SLC39A14: variants seen among roughly 807,000 people sequenced by gnomAD.
The protein encoded by SLC39A14 is solute carrier family 39 member 14, also known as metal cation symporter ZIP14.
SLC39A14 carries 19 observed loss-of-function variants against 45.5 expected under a neutral mutation model. That is an observed-to-expected ratio of 0.42 (90% confidence interval 0.29 to 0.61). The LOEUF (loss-of-function observed/expected upper bound fraction) is 0.61. SLC39A14 is among the 20% of genes least tolerant of loss of function. SLC39A14 has a pLI of 0.22. For missense variants in SLC39A14, 447 were observed against 616.5 expected (o/e 0.73, Z 2.91); for synonymous variants, 264 against 251.3 (o/e 1.05, Z -0.48).
At chr8:22,433,863 GT>G in intron 8 of SLC39A14, 1 of 318,864 alleles carries the variant, frequency 3.1e-6, no homozygotes, top group Non-Finnish European at 6.4e-6. Context: ...ACTCGGCCAT[GT>G]TTATGTTTTT....
downstream of SLC39A14, among the ~76,000 whole-genome samples, chr8:22,425,882 G>GTTTTTT (rs1476225504): frequency 2.0e-5 from 2 of 102,560 alleles, no homozygotes; most frequent in Non-Finnish European, 4.4e-5. Flanking sequence ...GGCTCTAGAT[G>GTTTTTT]GTTTTTGTTT....
At chr8:22,424,157 T>G (rs1351715055), downstream of SLC39A14, among the ~76,000 whole-genome samples, 2 of 152,144 alleles carry the variant, frequency 1.3e-5, no homozygotes, top group Non-Finnish European at 2.9e-5. Flanking sequence ...TTGTGGTGTT[T>G]CCAAGAAGAC....
At chr8:22,402,738 C>T (rs1330186164) in intron 1 of SLC39A14, among the ~76,000 whole-genome samples, 1 of 145,956 alleles carries the variant, frequency 6.9e-6, no homozygotes, top group Non-Finnish European at 1.5e-5. Flanking sequence ...CACTGCACTC[C>T]AGCCTGGGCA....
chr8:22,374,254 G>A (rs76877296), intron 1 of SLC39A14, among the ~76,000 whole-genome samples: 10,692 of 152,184 alleles, frequency 0.07, 479 homozygotes, highest in Non-Finnish European at 0.1. Flanking sequence ...GGAGACCTGG[G>A]GTCCTTGAGC....
chr8:22,396,579 A>G (rs1834485119), intron 1 of SLC39A14, among the ~76,000 whole-genome samples: 1 of 86,096 alleles, frequency 1.2e-5, no homozygotes, highest in Admixed American at 1.3e-4. Flanking sequence ...AGAGAGAGAG[A>G]GAGAGAGAGA....
chr8:22,391,770 A>G (rs1459532090), intron 1 of SLC39A14, among the ~76,000 whole-genome samples: 1 of 152,122 alleles, frequency 6.6e-6, no homozygotes, highest in East Asian at 1.9e-4. Context: ...GGGTTTCACC[A>G]CTTTGGCCAG....
chr8:22,395,742 G>A (rs1215304931), intron 1 of SLC39A14, among the ~76,000 whole-genome samples: 1 of 152,174 alleles, frequency 6.6e-6, no homozygotes, highest in Middle Eastern at 3.2e-3. Context: ...TCCGTGTGGA[G>A]CAGTGGTGAG....
At chr8:22,425,792 T>C (rs1836373536), downstream of SLC39A14, among the ~76,000 whole-genome samples, 1 of 132,128 alleles carries the variant, frequency 7.6e-6, no homozygotes, top group African/African-American at 2.5e-5. Flanking sequence ...GATTCCAAGA[T>C]GGTAGCATCA....
chr8:22,430,413 T>C lies in SLC39A14; in HGVS notation c.1333-3478T>C, dbSNP rs1159494221. ...AGGAATGACAAATCAGTTTTATGCT[T>C]TAAGTTTAGAAAGATCTGCTGTATA... On this transcript the variant is annotated intron_variant, in intron 8 of 8. Transcript: ENST00000240095. Among the ~76,000 whole-genome samples the C allele has an allele frequency of 2.6e-5, 4 of 152,066 alleles. No individual in the cohort carries two copies. In the East Asian group the frequency reaches 7.7e-4, roughly 29 times the overall value.
intron 1 of SLC39A14, among the ~76,000 whole-genome samples, chr8:22,393,991 A>G (rs994080491): frequency 5.5e-5 from 8 of 145,800 alleles, no homozygotes; most frequent in Non-Finnish European, 1.0e-4. Flanking sequence ...ATTTTTTATT[A>G]TTTCTTATCT....
At chr8:22,406,496 A>G (rs1835220729) in intron 2 of SLC39A14, among the ~76,000 whole-genome samples, 1 of 152,156 alleles carries the variant, frequency 6.6e-6, no homozygotes. Flanking sequence ...GATCGAGACC[A>G]TCCTGGCTAA....
chr8:22,395,614 C>T (rs1834340885), intron 1 of SLC39A14, among the ~76,000 whole-genome samples: 2 of 152,328 alleles, frequency 1.3e-5, no homozygotes, highest in East Asian at 1.9e-4. Flanking sequence ...ATTGGTTCTT[C>T]AGTGAGGTTT....
chr8:22,416,069 C>T lies in SLC39A14; in HGVS notation c.940-4C>T. ...GTGGGCCCTGGGGGTGTGCTTTCTCCTAGGACCTGCAGGCTTCCCAGAGTG... is the reference window on the plus strand; with the variant it reads ...GTGGGCCCTGGGGGTGTGCTTTCTCTTAGGACCTGCAGGCTTCCCAGAGTG... On this transcript the variant is annotated splice_polypyrimidine_tract_variant and splice_region_variant and intron_variant, in intron 6 of 8. Coordinates refer to ENST00000381237, the MANE Select transcript of SLC39A14 (RefSeq NM_001128431.4). 5 of 1,614,084 alleles carry T rather than the reference C, an allele frequency of 3.1e-6. No homozygotes were observed. Among genetic ancestry groups the T allele is most frequent in the Non-Finnish European group, 3.4e-6 (4 of 1,179,974 alleles).
At chr8:22,385,374 T>C (rs1424126872) in intron 1 of SLC39A14, among the ~76,000 whole-genome samples, 1 of 152,154 alleles carries the variant, frequency 6.6e-6, no homozygotes, top group Non-Finnish European at 1.5e-5. Context: ...CTGGAGCTGA[T>C]AGTCTAGTTA....
At chr8:22,410,235 T>C (rs1438038513) in intron 3 of SLC39A14, 2 of 1,010,614 alleles carry the variant, frequency 2.0e-6, no homozygotes, top group Admixed American at 2.0e-5. Context: ...GAAATGAACC[T>C]GTCCCTCGTA....
At chr8:22,432,819 T>G (rs1417673019) in intron 8 of SLC39A14, among the ~76,000 whole-genome samples, 2 of 38,992 alleles carry the variant, frequency 5.1e-5, no homozygotes, top group Non-Finnish European at 7.6e-5. Flanking sequence ...GGCTATTTTG[T>G]TTTTTTTTTT....
intron 8 of SLC39A14, among the ~76,000 whole-genome samples, chr8:22,427,987 G>A (rs1038997657): frequency 2.0e-5 from 3 of 152,128 alleles, no homozygotes; most frequent in African/African-American, 4.8e-5. Flanking sequence ...AGGCAACAGT[G>A]AGACCTGTCT....
chr8:22,391,665 G>A (rs1379916784), intron 1 of SLC39A14, among the ~76,000 whole-genome samples: 1 of 152,024 alleles, frequency 6.6e-6, no homozygotes, highest in South Asian at 2.1e-4. Flanking sequence ...CTGTCTCCCG[G>A]GTTCAAGCAA....
chr8:22,406,557 C>T (rs1244250428), intron 2 of SLC39A14, among the ~76,000 whole-genome samples: 1 of 151,952 alleles, frequency 6.6e-6, no homozygotes, highest in Non-Finnish European at 1.5e-5. Flanking sequence ...CTGGGTATGG[C>T]GGGAGATACC....
Sources: gnomAD v4.1 joint callset for allele counts (sites outside exome capture counted in the v4.1 genomes callset) on GRCh38, gnomAD v4.1.1 for gene constraint, MANE v1.5 for transcripts, NCBI Gene and HGNC (gene_info 2026-07-23, HGNC 2026-07-21) for gene names.